Variants in P3H2 observed in about 807,000 individuals in gnomAD.
The protein encoded by P3H2 is prolyl 3-hydroxylase 2.
P3H2 carries 80 observed loss-of-function variants against 87.0 expected under a neutral mutation model. The observed-to-expected ratio is 0.92, with a 90% confidence interval of 0.77 to 1.11. The LOEUF (loss-of-function observed/expected upper bound fraction) is 1.11, where lower values mean the gene tolerates loss of function less well. Ranked by LOEUF, P3H2 falls within the 50% of genes least tolerant of loss-of-function variation. The probability of loss-of-function intolerance (pLI) is 0.00; values close to 1 mark genes in which losing one functional copy is unlikely to be tolerated. For missense variants in P3H2, 1,001 were observed against 923.9 expected, an observed-to-expected ratio of 1.08 and a Z score of -1.08; for synonymous variants, 367 against 359.3, an observed-to-expected ratio of 1.02 and a Z score of -0.24.
intron 1 of P3H2, among the ~76,000 whole-genome samples, chr3:190,090,833 C>T (rs1410822859): frequency 1.3e-5 from 2 of 152,164 alleles, no homozygotes; most frequent in East Asian, 3.8e-4. Context: ...AGCCCCACCC[C>T]ATTTCCTCTG....
chr3:190,072,216 G>A (rs111909011), intron 1 of P3H2, among the ~76,000 whole-genome samples: 5,934 of 152,040 alleles, frequency 0.039, 176 homozygotes, highest in Non-Finnish European at 0.061. Flanking sequence ...TAGTAGAGAC[G>A]GGGTTTGACC....
chr3:190,077,983 T>A (rs1726924285), intron 1 of P3H2, among the ~76,000 whole-genome samples: 2 of 152,212 alleles, frequency 1.3e-5, no homozygotes, highest in Admixed American at 1.3e-4. Flanking sequence ...AATTGTTGCA[T>A]GACCCAAAAC....
At chr3:189,987,840 TG>T in intron 4 of P3H2, 171 bp from the exon 5 acceptor site, 2 of 725,932 alleles carry the variant, frequency 2.8e-6, no homozygotes, top group Non-Finnish European at 4.6e-6. Context: ...AGGAAAGACA[TG>T]ATTTCAAGTA....
chr3:190,119,284 C>T (rs1712438035), intron 1 of P3H2, among the ~76,000 whole-genome samples: 1 of 151,662 alleles, frequency 6.6e-6, no homozygotes, highest in South Asian at 2.1e-4. Flanking sequence ...CATGAACAAC[C>T]AACCCCAAAG....
At chr3:190,005,283 G>C (rs868388214) in intron 1 of P3H2, among the ~76,000 whole-genome samples, 1 of 152,190 alleles carries the variant, frequency 6.6e-6, no homozygotes, top group Non-Finnish European at 1.5e-5. Context: ...GGGAATCAAA[G>C]TATGGGTTTA....
chr3:190,064,157 T>G (rs1396868549), intron 1 of P3H2, among the ~76,000 whole-genome samples: 1 of 144,812 alleles, frequency 6.9e-6, no homozygotes, highest in Non-Finnish European at 1.5e-5. Context: ...ACACCTAACT[T>G]TTTTTTTTTT....
At chr3:189,984,196 G>A (rs1049394928) in intron 7 of P3H2, among the ~76,000 whole-genome samples, 2 of 152,042 alleles carry the variant, frequency 1.3e-5, no homozygotes, top group Non-Finnish European at 2.9e-5. Context: ...AATACAATAA[G>A]GGAATTCACC....
In P3H2 at chr3:190,022,249, T is replaced by A. The variant is rs1174452056; in HGVS notation, c.481-26807A>T. ...TTAAAATTTACATATGTAACATTTG[T>A]GACTTTAGCTCTCTGGAAATGACCA... is the stretch of plus-strand genomic sequence containing the variant. On this transcript the variant is annotated intron_variant, in intron 1 of 14. Transcript: ENST00000319332. Among the ~76,000 whole-genome samples the A allele has an allele frequency of 1.5e-5, 2 of 135,652 alleles. 1 individual carries two copies. The highest frequency in any genetic ancestry group is 3.3e-5 in the Non-Finnish European group (2 of 60,606). 89.0% of individuals were successfully genotyped at this position (135,652 alleles called of 152,430 possible). A position where few individuals can be genotyped will look rare whatever the true frequency, so the allele number is the denominator to read the frequency against.
At chr3:190,068,622 C>T (rs568470046) in intron 1 of P3H2, among the ~76,000 whole-genome samples, 1 of 152,224 alleles carries the variant, frequency 6.6e-6, no homozygotes, top group East Asian at 1.9e-4. Flanking sequence ...GATTTGTTTT[C>T]TTTGAAAAAC....
At chr3:190,046,686 A>T (rs114342784) in intron 1 of P3H2, among the ~76,000 whole-genome samples, 2,711 of 152,306 alleles carry the variant, frequency 0.018, 85 homozygotes, top group African/African-American at 0.063. Flanking sequence ...ATGCAAATGG[A>T]TTTCTCTATA....
intron 1 of P3H2, among the ~76,000 whole-genome samples, chr3:190,084,638 G>A (rs1727151956): frequency 1.3e-5 from 2 of 150,488 alleles, no homozygotes; most frequent in African/African-American, 4.9e-5. Flanking sequence ...CAATATTAAT[G>A]AAGAATAAAA....
Position 189,983,061 on chromosome 3 carries a change from G to T in P3H2, c.1309C>A (p.Arg437=), listed in dbSNP as rs773586841. Residue 437 remains arginine (R), a synonymous_variant, in exon 8 of 15, where the codon CGA becomes AGA. Coordinates refer to ENST00000319332, the MANE Select transcript of P3H2 (RefSeq NM_018192.4). ...MGKKLSPKID[R]DLREGGPLLY... ...AGCTACTTACCTTCTCTTAGGTCTC[G>T]ATCTATCTTGGGTGATAGCTTTTTT... 5 of 1,613,262 alleles carry T rather than the reference G, an allele frequency of 3.1e-6. No individual in the cohort carries two copies. In the Admixed American group the frequency reaches 6.7e-5, roughly 22 times the overall value.
At chr3:190,089,590 C>T (rs1727344895) in intron 1 of P3H2, among the ~76,000 whole-genome samples, 1 of 152,182 alleles carries the variant, frequency 6.6e-6, no homozygotes, top group East Asian at 1.9e-4. Flanking sequence ...AGGGTGGTCA[C>T]ACATACCTTA....
chr3:190,070,017 T>C lies in P3H2; in HGVS notation c.480+50235A>G, dbSNP rs535906972. Among the ~76,000 whole-genome samples the C allele has an allele frequency of 2.0e-5, 3 of 152,162 alleles. No homozygotes were observed. In the East Asian group the frequency reaches 5.8e-4, roughly 29 times the overall value. ...CGGAGAAGTGAGGTGAAAGGTGGTT[T>C]ACTTGTTTTAAGATGCATGCATGAA... On this transcript the variant is annotated intron_variant, in intron 1 of 14. Coordinates refer to ENST00000319332, the MANE Select transcript of P3H2 (RefSeq NM_018192.4).
chr3:190,070,428 C>T (rs867278844), intron 1 of P3H2, among the ~76,000 whole-genome samples: 27 of 152,062 alleles, frequency 1.8e-4, no homozygotes, highest in African/African-American at 4.8e-4. Flanking sequence ...GTAACCGAGT[C>T]ACAGGAATAT....
chr3:190,024,595 A>G (rs1450815072), intron 1 of P3H2, among the ~76,000 whole-genome samples: 2 of 151,744 alleles, frequency 1.3e-5, no homozygotes, highest in Non-Finnish European at 2.9e-5. Context: ...ATGAATTCCA[A>G]CAGTCTGAAT....
At chr3:189,978,665 G>A (rs1331808280) in intron 8 of P3H2, among the ~76,000 whole-genome samples, 4 of 150,824 alleles carry the variant, frequency 2.7e-5, no homozygotes, top group African/African-American at 9.8e-5. Context: ...TAACAAAAAC[G>A]ACCCATCACC....
chr3:189,980,408 C>T (rs2108914107), intron 8 of P3H2, among the ~76,000 whole-genome samples: 2 of 151,930 alleles, frequency 1.3e-5, no homozygotes, highest in East Asian at 3.9e-4. Flanking sequence ...ACTAAAAATG[C>T]AAAAATTAGC....
chr3:189,973,118 G>A (rs1723228706), intron 10 of P3H2, 94 bp from the exon 11 acceptor site: 2 of 1,144,826 alleles, frequency 1.7e-6, no homozygotes, highest in South Asian at 2.8e-5. Context: ...ATATAGGATT[G>A]TCATGTCTGT....
Sources: allele counts gnomAD v4.1 joint callset (sites outside exome capture counted in the v4.1 genomes callset), GRCh38; gene constraint gnomAD v4.1.1; transcripts MANE v1.5; gene names NCBI Gene and HGNC (gene_info 2026-07-23, HGNC 2026-07-21).